FOXN3: variants seen among roughly 807,000 people sequenced by gnomAD.
The protein encoded by FOXN3 is forkhead box protein N3.
Under a neutral mutation model 38.4 loss-of-function variants are expected in FOXN3, and 7 were observed. The observed-to-expected ratio is 0.18, with a 90% CI of 0.10 to 0.34. The LOEUF is 0.34. Ranked by LOEUF, FOXN3 falls within the 10% of genes least tolerant of loss-of-function variation. FOXN3 has a pLI of 1.00. For synonymous variants in FOXN3, 230 were observed against 242.2 expected (o/e 0.95, Z 0.47); for missense variants, 456 against 613.4 (o/e 0.74, Z 2.71).
intron 3 of FOXN3, among the ~76,000 whole-genome samples, chr14:89,310,559 C>T (rs767691649): frequency 3.3e-5 from 5 of 152,104 alleles, no homozygotes; most frequent in East Asian, 1.9e-4. Flanking sequence ...CAAATGGAGA[C>T]GAAGCTCAAG....
intron 5 of FOXN3, among the ~76,000 whole-genome samples, chr14:89,173,599 A>T (rs995556037): frequency 9.9e-5 from 15 of 152,248 alleles, no homozygotes; most frequent in African/African-American, 3.6e-4. Flanking sequence ...TAGCAGTGAA[A>T]ATGACTCAAT....
intron 1 of FOXN3, among the ~76,000 whole-genome samples, chr14:89,435,058 T>A (rs1008671630): frequency 6.6e-6 from 1 of 152,098 alleles, no homozygotes; most frequent in Admixed American, 6.5e-5. Context: ...CCCCCATATA[T>A]CCTAGACAAG....
chr14:89,425,692 G>A (rs1300773675), intron 1 of FOXN3, among the ~76,000 whole-genome samples: 1 of 152,162 alleles, frequency 6.6e-6, no homozygotes, highest in African/African-American at 2.4e-5. Context: ...ATTCATAGTA[G>A]TTGTGTTCTA....
intron 4 of FOXN3, among the ~76,000 whole-genome samples, chr14:89,191,985 A>G (rs1307831978): frequency 5.0e-5 from 7 of 139,828 alleles, no homozygotes; most frequent in Admixed American, 4.9e-4. Flanking sequence ...ACTATAATAT[A>G]TAATATATAT....
chr14:89,163,042 AC>A lies in FOXN3; in HGVS notation c.852-74del. On this transcript the variant is annotated intron_variant, in intron 5 of 5. Transcript: ENST00000557258. The surrounding 1 kb of genome is among the most constrained non-coding windows in gnomAD (Gnocchi z 4.3). ...CAGTTAGACGTCCTCAGATGGGGGC[AC>A]CCGGCAGCCCGCCTGCATTCAACCA... The A allele has an allele frequency of 7.3e-7, 1 of 1,367,996 alleles. No individual in the cohort carries two copies. The highest frequency in any genetic ancestry group is 2.5e-5 in the East Asian group (1 of 39,346). The allele number at this position is 1,367,996 out of a possible 1,614,324, so 84.7% of individuals were successfully genotyped here. A position where few individuals can be genotyped will look rare whatever the true frequency, so the allele number is the denominator to read the frequency against.
At chr14:89,205,715 C>T (rs557886138) in intron 4 of FOXN3, among the ~76,000 whole-genome samples, 320 of 152,346 alleles carry the variant, frequency 2.1e-3, no homozygotes, top group Non-Finnish European at 3.7e-3. Flanking sequence ...TAACACAAGC[C>T]GCCTGCAGAT....
At chr14:89,241,432 C>A (rs909611358) in intron 4 of FOXN3, among the ~76,000 whole-genome samples, 1 of 152,176 alleles carries the variant, frequency 6.6e-6, no homozygotes, top group African/African-American at 2.4e-5. Context: ...ACCATGGTGG[C>A]TGAATGAGAC....
Position 89,158,000 on chromosome 14 carries a change from C to A in FOXN3, c.*4414G>T, listed in dbSNP as rs1386067426. The A allele has an allele frequency of 6.6e-6, 1 of 152,590 alleles. No individual in the cohort carries two copies. 9.5% of individuals were successfully genotyped at this position (152,590 alleles called of 1,614,324 possible). A position where few individuals can be genotyped will look rare whatever the true frequency, so the allele number is the denominator to read the frequency against. Reference sequence around the variant, plus strand: ...ATTGCAACATCTGGGCAGCTGTGATCCACCAGAAAGAAACGAGTCCCAACC... The same window carrying A: ...ATTGCAACATCTGGGCAGCTGTGATACACCAGAAAGAAACGAGTCCCAACC... On this transcript the variant is annotated 3_prime_UTR_variant, in exon 6 of 6. Coordinates refer to ENST00000557258, the MANE Select transcript of FOXN3 (RefSeq NM_005197.4).
At chr14:89,553,877 A>G (rs1287681861) in intron 1 of FOXN3, among the ~76,000 whole-genome samples, 1 of 152,220 alleles carries the variant, frequency 6.6e-6, no homozygotes, top group Non-Finnish European at 1.5e-5. Flanking sequence ...TCCAGAGCCT[A>G]AATAGTAAAA....
At chr14:89,562,379 C>T (rs1252122631) in intron 1 of FOXN3, among the ~76,000 whole-genome samples, 2 of 152,104 alleles carry the variant, frequency 1.3e-5, no homozygotes, top group Non-Finnish European at 2.9e-5. Context: ...TCATGTCTCG[C>T]ATCCCAAGTA....
chr14:89,360,736 C>T (rs1456845118), intron 2 of FOXN3, among the ~76,000 whole-genome samples: 1 of 136,278 alleles, frequency 7.3e-6, no homozygotes, highest in East Asian at 2.3e-4. Context: ...ACCACCACCT[C>T]CAGCACCACC....
At chr14:89,219,715 CA>C (rs1362599775) in intron 4 of FOXN3, among the ~76,000 whole-genome samples, 9 of 152,200 alleles carry the variant, frequency 5.9e-5, no homozygotes, top group African/African-American at 2.2e-4. Flanking sequence ...CCCTTACAAA[CA>C]AGTTGATACA....
At chr14:89,227,669 C>G (rs570875157) in intron 4 of FOXN3, among the ~76,000 whole-genome samples, 1 of 152,276 alleles carries the variant, frequency 6.6e-6, no homozygotes, top group South Asian at 2.1e-4. Context: ...TAACTGCCTT[C>G]TGGTAATAAA....
intron 4 of FOXN3, among the ~76,000 whole-genome samples, chr14:89,257,830 G>C (rs185690743): frequency 6.6e-6 from 1 of 152,250 alleles, no homozygotes; most frequent in East Asian, 1.9e-4. Context: ...CTTGGTCCTC[G>C]ATGTCCCGTG....
intron 4 of FOXN3, among the ~76,000 whole-genome samples, chr14:89,202,047 G>A (rs1007648001): frequency 1.3e-5 from 2 of 152,194 alleles, no homozygotes; most frequent in African/African-American, 4.8e-5. Flanking sequence ...AGTGACACTG[G>A]CAGGTGTGTT....
chr14:89,445,431 G>A (rs983958642), intron 1 of FOXN3, among the ~76,000 whole-genome samples: 1 of 152,210 alleles, frequency 6.6e-6, no homozygotes. Context: ...CACCAATCAT[G>A]CCTTGTTTTT....
chr14:89,483,745 C>T (rs1893391173), intron 1 of FOXN3, among the ~76,000 whole-genome samples: 1 of 152,154 alleles, frequency 6.6e-6, no homozygotes, highest in Non-Finnish European at 1.5e-5. Flanking sequence ...ACTGCCTGCC[C>T]TGGCTCAGCC....
intron 1 of FOXN3, among the ~76,000 whole-genome samples, chr14:89,474,852 A>G (rs1893178878): frequency 6.6e-6 from 1 of 152,004 alleles, no homozygotes; most frequent in South Asian, 2.1e-4. Context: ...GTCTTGCTCT[A>G]TCACCCAGGC....
At chr14:89,559,620 G>A (rs971135785) in intron 1 of FOXN3, among the ~76,000 whole-genome samples, 1 of 152,052 alleles carries the variant, frequency 6.6e-6, no homozygotes, top group African/African-American at 2.4e-5. Flanking sequence ...AGGTTGCAGT[G>A]AGCCAAGATT....
Sources: allele counts gnomAD v4.1 joint callset (sites outside exome capture counted in the v4.1 genomes callset), GRCh38; gene constraint gnomAD v4.1.1; non-coding constraint Gnocchi (gnomAD v3.1); transcripts MANE v1.5; gene names NCBI Gene and HGNC (gene_info 2026-07-23, HGNC 2026-07-21).